The following SNX8 variants were observed in gnomAD, a reference collection of about 807,000 sequenced individuals.
SNX8 encodes sorting nexin 8.
In SNX8, 25 loss-of-function variants were observed where a neutral mutation model predicts 51.6. The observed-to-expected ratio is 0.48, with a 90% CI of 0.35 to 0.68. The LOEUF is 0.68. SNX8 is among the 30% of genes least tolerant of loss of function. The probability of loss-of-function intolerance (pLI) is 0.00; values close to 1 mark genes in which losing one functional copy is unlikely to be tolerated. For synonymous variants in SNX8, 324 were observed against 277.0 expected (o/e 1.17, Z -1.68); for missense variants, 695 against 624.0 (o/e 1.11, Z -1.21).
chr7:2,314,732 C>A (rs1316377723), upstream of SNX8, among the ~76,000 whole-genome samples: 1 of 152,214 alleles, frequency 6.6e-6, no homozygotes, highest in Non-Finnish European at 1.5e-5. Context: ...CTGCACCCAC[C>A]GCACCCTCAT....
In SNX8 at chr7:2,290,726, C is replaced by A. The variant is rs1263216205; in HGVS notation, c.95-12421G>T. On this transcript the variant is annotated intron_variant, in intron 1 of 10. Transcript: ENST00000222990. The stretch of plus-strand genomic sequence containing the variant: ...GGGACCGCGCCTCAGTCAGCCACAG[C>A]ACCAAGCAAAAGCTGCTGACACAAA... 2.6e-5 allele frequency among the ~76,000 whole-genome samples: 4 copies of A among 152,170 alleles called. No individual in the cohort carries two copies. The East Asian group carries it at 7.7e-4, about 29-fold the overall frequency.
chr7:2,323,311 C>G (rs1407143161), intron 1 of SNX8, among the ~76,000 whole-genome samples: 1 of 115,338 alleles, frequency 8.7e-6, no homozygotes, highest in Non-Finnish European at 1.6e-5. Context: ...GCCAGGGCGA[C>G]AGAGTGAGAG....
At chr7:2,287,739 T>G (rs757032363) in intron 1 of SNX8, among the ~76,000 whole-genome samples, 5 of 150,112 alleles carry the variant, frequency 3.3e-5, no homozygotes, top group Non-Finnish European at 7.4e-5. Flanking sequence ...GGCGACAGAG[T>G]GAGACTCCGT....
intron 1 of SNX8, among the ~76,000 whole-genome samples, chr7:2,285,880 A>G (rs1424929647): frequency 1.3e-5 from 2 of 151,754 alleles, no homozygotes; most frequent in African/African-American, 2.4e-5. Flanking sequence ...GGGGGGTCTC[A>G]CTATGTTGCC....
intron 3 of SNX8, among the ~76,000 whole-genome samples, chr7:2,273,828 C>T (rs1207064842): frequency 2.0e-5 from 3 of 151,562 alleles, no homozygotes; most frequent in African/African-American, 7.3e-5. Context: ...GGCGTGAACC[C>T]GGGAGGCGGA....
At chr7:2,341,200 GAAAAGAAAAGAA>G (rs1240462493) in intron 1 of SNX8, among the ~76,000 whole-genome samples, 16 of 150,994 alleles carry the variant, frequency 1.1e-4, no homozygotes, top group Non-Finnish European at 3.0e-5. Context: ...GAAAGAAAAA[GAAAAGAAAAGAA>G]AAAAGAAAAT....
rs977263040 is a variant in SNX8 at position 2,253,402 on chromosome 7, G to A, written c.*1654C>T. 6.6e-6 allele frequency: 1 copy of A among 152,446 alleles called. No individual in the cohort carries two copies. The highest frequency in any genetic ancestry group is 1.5e-5 in the Non-Finnish European group (1 of 68,204). 9.4% of individuals were successfully genotyped at this position (152,446 alleles called of 1,614,324 possible). On this transcript the variant is annotated 3_prime_UTR_variant, in exon 11 of 11. Transcript: ENST00000222990. ...GGCCTTGCAGCCTTCTGCCCACACGGGGTCACGCTTCATGGCTCGGGTGTC... is the reference window on the plus strand; with the variant it reads ...GGCCTTGCAGCCTTCTGCCCACACGAGGTCACGCTTCATGGCTCGGGTGTC...
At chr7:2,291,756 C>CT (rs1156510623) in intron 1 of SNX8, among the ~76,000 whole-genome samples, 2 of 152,224 alleles carry the variant, frequency 1.3e-5, no homozygotes, top group African/African-American at 4.8e-5. Context: ...GGTTAAGGGT[C>CT]TATCAGTCCT....
intron 1 of SNX8, among the ~76,000 whole-genome samples, chr7:2,330,183 G>A (rs965817491): frequency 3.4e-5 from 5 of 146,140 alleles, no homozygotes; most frequent in African/African-American, 1.3e-4. Context: ...TCTTGCCCAG[G>A]CTGGAGTGCA....
chr7:2,266,393 C>A (rs945485334), intron 5 of SNX8, among the ~76,000 whole-genome samples: 1 of 151,736 alleles, frequency 6.6e-6, no homozygotes, highest in Non-Finnish European at 1.5e-5. Flanking sequence ...GTCGTCCAGG[C>A]TGGAGTGCAG....
intron 1 of SNX8, among the ~76,000 whole-genome samples, chr7:2,295,466 A>G (rs1410237813): frequency 6.6e-6 from 1 of 151,128 alleles, no homozygotes; most frequent in Non-Finnish European, 1.5e-5. Context: ...GCACTTTGGG[A>G]GGCCAAGGCA....
At chr7:2,342,481 C>T (rs2115246422) in intron 1 of SNX8, among the ~76,000 whole-genome samples, 1 of 152,102 alleles carries the variant, frequency 6.6e-6, no homozygotes, top group South Asian at 2.1e-4. Context: ...TGGTGAAACC[C>T]CGTCTGTACT....
chr7:2,339,912 A>G (rs1473170485), intron 1 of SNX8, among the ~76,000 whole-genome samples: 1 of 152,196 alleles, frequency 6.6e-6, no homozygotes, highest in East Asian at 1.9e-4. Context: ...GCACTTCGAT[A>G]TCACTGGGAA....
chr7:2,308,369 A>C (rs1796591463), intron 1 of SNX8, among the ~76,000 whole-genome samples: 1 of 152,128 alleles, frequency 6.6e-6, no homozygotes, highest in Non-Finnish European at 1.5e-5. Flanking sequence ...GGAGTTTACT[A>C]CCAAAATATG....
chr7:2,295,643 G>A (rs1796258464), intron 1 of SNX8, among the ~76,000 whole-genome samples: 1 of 150,992 alleles, frequency 6.6e-6, no homozygotes, highest in South Asian at 2.1e-4. Context: ...GTTGCTTTTG[G>A]GGCCTTGGGC....
At chr7:2,301,615 G>T (rs1208660016) in intron 1 of SNX8, among the ~76,000 whole-genome samples, 1 of 152,166 alleles carries the variant, frequency 6.6e-6, no homozygotes, top group Non-Finnish European at 1.5e-5. Context: ...GAAATTTCTA[G>T]AATGGGGGTA....
In SNX8 at chr7:2,255,089, G is replaced by A. The variant is rs748420508; in HGVS notation, c.1365C>T (p.Cys455=). The A allele has an allele frequency of 2.5e-6, 4 of 1,579,282 alleles. No homozygotes were observed. Among genetic ancestry groups the A allele is most frequent in the East Asian group, 4.7e-5 (2 of 42,916 alleles). Residue 455 remains cysteine (C), a synonymous_variant, in exon 11 of 11, where the codon TGC becomes TGT. Transcript: ENST00000222990. The stretch of plus-strand genomic sequence containing the variant: ...GACACAGGCCGTCCTCCGGCGGGGA[G>A]CACGGTGGGGTCAGGGTGCTGTGTG... ...AGPHSTLTPP[C]SPPEDGLCPH
At chr7:2,302,058 C>T (rs941528589) in intron 1 of SNX8, among the ~76,000 whole-genome samples, 1 of 152,036 alleles carries the variant, frequency 6.6e-6, no homozygotes, top group Admixed American at 6.6e-5. Context: ...CTGGCTAACA[C>T]GGTGAAACTT....
Position 2,314,407 on chromosome 7 carries a change from C to T in SNX8, c.15G>A (p.Ala5=), listed in dbSNP as rs1231507621. The T allele has an allele frequency of 3.9e-5, 48 of 1,218,086 alleles. No homozygotes were observed. Among genetic ancestry groups the T allele is most frequent in the Non-Finnish European group, 4.9e-5 (48 of 978,954 alleles). 75.5% of individuals were successfully genotyped at this position (1,218,086 alleles called of 1,614,324 possible). A position where few individuals can be genotyped will look rare whatever the true frequency, so the allele number is the denominator to read the frequency against. Residue 5 remains alanine, a synonymous_variant, in exon 1 of 11, where the codon GCG becomes GCA. Coordinates refer to ENST00000222990, the MANE Select transcript of SNX8 (RefSeq NM_013321.4). ...CTGCAGCCGCGGGCAGCGGGTCCAT[C>T]GCGCGGCCAGTCATGTGAGCCCGCG... MTGR[A]MDPLPAAAVG... is the part of the protein sequence containing the mutation.
Sources: allele counts gnomAD v4.1 joint callset (sites outside exome capture counted in the v4.1 genomes callset), GRCh38; gene constraint gnomAD v4.1.1; transcripts MANE v1.5; gene names NCBI Gene and HGNC (gene_info 2026-07-23, HGNC 2026-07-21).